PRKG1: variants seen among roughly 807,000 people sequenced by gnomAD.
PRKG1 encodes the protein protein kinase cGMP-dependent 1, also known as cGMP-dependent protein kinase 1.
PRKG1 carries 35 observed loss-of-function variants against 88.1 expected under a neutral mutation model. The ratio of observed to expected loss-of-function variants is 0.40; its 90% CI spans 0.30 to 0.53. The LOEUF (loss-of-function observed/expected upper bound fraction) is 0.53, where lower values mean the gene tolerates loss of function less well. Ranked by LOEUF, PRKG1 falls within the 20% of genes least tolerant of loss-of-function variation. The probability of loss-of-function intolerance (pLI) is 0.59; values close to 1 mark genes in which losing one functional copy is unlikely to be tolerated. For synonymous variants in PRKG1, 303 were observed against 292.5 expected (o/e 1.04, Z -0.37); for missense variants, 540 against 839.8 (o/e 0.64, Z 4.41).
In PRKG1 at chr10:50,991,676, G is replaced by C. The variant is rs780518717; in HGVS notation, c.266+32G>C. The C allele has an allele frequency of 4.2e-6, 6 of 1,415,296 alleles. No individual in the cohort carries two copies. In the South Asian group the frequency reaches 4.3e-5, roughly 10 times the overall value. 87.7% of individuals were successfully genotyped at this position (1,415,296 alleles called of 1,614,324 possible). A position where few individuals can be genotyped will look rare whatever the true frequency, so the allele number is the denominator to read the frequency against. ...GCGGAGGCCGTGGGCCCGGGCGCTCGTCCCGGCCCGCGGCGCAGAGGCTGG... is the reference window on the plus strand; with the variant it reads ...GCGGAGGCCGTGGGCCCGGGCGCTCCTCCCGGCCCGCGGCGCAGAGGCTGG... On this transcript the variant is annotated intron_variant, in intron 1 of 17. Transcript: ENST00000401604. This position sits in a 1 kb window ranked among gnomAD's most constrained non-coding sequence, Gnocchi z 4.5.
intron 2 of PRKG1, among the ~76,000 whole-genome samples, chr10:51,272,748 C>T (rs1048022730): frequency 2.0e-5 from 3 of 152,130 alleles, no homozygotes; most frequent in African/African-American, 4.8e-5. Context: ...AGCCTCTGTG[C>T]GGGTGATCCA....
intron 8 of PRKG1, among the ~76,000 whole-genome samples, chr10:52,151,264 G>C (rs1357519717): frequency 6.6e-6 from 1 of 152,028 alleles, no homozygotes; most frequent in Non-Finnish European, 1.5e-5. Flanking sequence ...GGGCCCTAGT[G>C]TCGGTTTTTT....
chr10:51,361,329 T>C (rs1004787277), intron 2 of PRKG1, among the ~76,000 whole-genome samples: 16 of 152,042 alleles, frequency 1.1e-4, no homozygotes, highest in African/African-American at 3.4e-4. Context: ...ATAGGTACCA[T>C]GATTATACTC....
intron 2 of PRKG1, among the ~76,000 whole-genome samples, chr10:51,275,582 T>C (rs1840094270): frequency 6.6e-6 from 1 of 152,232 alleles, no homozygotes; most frequent in Admixed American, 6.5e-5. Context: ...CTAAATTAAA[T>C]TCAGTTTAAG....
intron 3 of PRKG1, among the ~76,000 whole-genome samples, chr10:51,683,074 A>G (rs1249823380): frequency 2.6e-5 from 4 of 152,210 alleles, no homozygotes; most frequent in Non-Finnish European, 5.9e-5. Context: ...GAAACATGTT[A>G]TTTTATTTAT....
intron 5 of PRKG1, among the ~76,000 whole-genome samples, chr10:51,991,419 T>C (rs971061496): frequency 1.3e-5 from 2 of 152,116 alleles, no homozygotes; most frequent in Non-Finnish European, 2.9e-5. Context: ...CTAGGGTACA[T>C]GTGCACAACG....
chr10:51,638,542 A>G (rs149550617), intron 3 of PRKG1, among the ~76,000 whole-genome samples: 494 of 152,320 alleles, frequency 3.2e-3, no homozygotes, highest in African/African-American at 0.011. Flanking sequence ...CCACAAAGAG[A>G]AATAAGACAT....
intron 4 of PRKG1, among the ~76,000 whole-genome samples, chr10:51,896,379 C>A (rs779425341): frequency 6.6e-6 from 1 of 151,974 alleles, no homozygotes; most frequent in South Asian, 2.1e-4. Flanking sequence ...TTTGCCACAA[C>A]TCTATGCAGA....
At chr10:52,150,970 G>T (rs1341861834) in intron 8 of PRKG1, among the ~76,000 whole-genome samples, 1 of 151,888 alleles carries the variant, frequency 6.6e-6, no homozygotes. Flanking sequence ...GATTTTTATT[G>T]TTTTTAATAA....
intron 1 of PRKG1, among the ~76,000 whole-genome samples, chr10:51,127,627 T>G (rs1845464343): frequency 6.6e-6 from 1 of 152,188 alleles, no homozygotes. Flanking sequence ...CAAAGGAATA[T>G]ACATCATTCT....
chr10:51,979,644 G>T (rs1589479470), intron 5 of PRKG1, among the ~76,000 whole-genome samples: 1 of 139,246 alleles, frequency 7.2e-6, no homozygotes, highest in Non-Finnish European at 1.5e-5. Flanking sequence ...AGGTTGGTAG[G>T]CCATTTATTA....
At chr10:51,795,536 G>T (rs888227307) in intron 3 of PRKG1, among the ~76,000 whole-genome samples, 1 of 152,044 alleles carries the variant, frequency 6.6e-6, no homozygotes, top group Non-Finnish European at 1.5e-5. Context: ...AGAACATTCC[G>T]GCAGTTAGAA....
At chr10:51,013,269 C>T (rs147150306) in intron 1 of PRKG1, among the ~76,000 whole-genome samples, 19 of 152,326 alleles carry the variant, frequency 1.2e-4, no homozygotes, top group Admixed American at 1.2e-3. Flanking sequence ...TAGAACAATG[C>T]TTGCAGTTAT....
At chr10:51,485,781 TTGAGCTA>T (rs1234812785) in intron 3 of PRKG1, among the ~76,000 whole-genome samples, 3 of 152,168 alleles carry the variant, frequency 2.0e-5, no homozygotes, top group Non-Finnish European at 4.4e-5. Flanking sequence ...GAGTACTGAT[TTGAGCTA>T]TGAGCTACAT....
intron 1 of PRKG1, among the ~76,000 whole-genome samples, chr10:51,115,092 G>C (rs1168355705): frequency 6.6e-6 from 1 of 151,698 alleles, no homozygotes; most frequent in Non-Finnish European, 1.5e-5. Flanking sequence ...GAGGCGGGCA[G>C]ATCACGAGGT....
rs1837351447 is a variant in PRKG1, at chr10:51,557,759, A to C, written c.592+89923A>C. ...GAACCTGAATGATGACCTTAAGACC[A>C]TGCCTCAGAGTGTGGTTCTCATCTA... On this transcript the variant is annotated intron_variant, in intron 3 of 17. Transcript: ENST00000373980. Among the ~76,000 whole-genome samples the C allele has an allele frequency of 2.0e-5, 3 of 152,084 alleles. No individual in the cohort carries two copies. In the South Asian group the frequency reaches 6.2e-4, roughly 32 times the overall value.
intron 7 of PRKG1, among the ~76,000 whole-genome samples, chr10:52,104,961 C>G (rs1272500463): frequency 6.6e-6 from 1 of 152,088 alleles, no homozygotes; most frequent in Non-Finnish European, 1.5e-5. Flanking sequence ...TTTCATTTGA[C>G]TAGAGGTGGG....
chr10:51,775,863 C>A (rs566940077), intron 3 of PRKG1, among the ~76,000 whole-genome samples: 1 of 152,226 alleles, frequency 6.6e-6, no homozygotes, highest in East Asian at 1.9e-4. Flanking sequence ...GGATTACAGG[C>A]GTGAGCCACT....
At chr10:52,097,541 G>A (rs1217908144) in intron 7 of PRKG1, among the ~76,000 whole-genome samples, 2 of 151,972 alleles carry the variant, frequency 1.3e-5, no homozygotes, top group African/African-American at 4.8e-5. Flanking sequence ...TATCTTTTCA[G>A]TTCAGCATTT....
Sources: allele counts gnomAD v4.1 joint callset (sites outside exome capture counted in the v4.1 genomes callset), GRCh38; gene constraint gnomAD v4.1.1; non-coding constraint Gnocchi (gnomAD v3.1); transcripts MANE v1.5; gene names NCBI Gene and HGNC (gene_info 2026-07-23, HGNC 2026-07-21).